DAAM1: variants seen among roughly 807,000 people sequenced by gnomAD.
DAAM1 encodes disheveled-associated activator of morphogenesis 1.
In DAAM1, 52 loss-of-function variants were observed where a neutral mutation model predicts 130.0. That is an observed-to-expected ratio of 0.40 (90% CI 0.32 to 0.50). The LOEUF (loss-of-function observed/expected upper bound fraction) is 0.50. Among genes scored for constraint, DAAM1 ranks in the 20% least tolerant of loss-of-function variants. The pLI is 0.61. For synonymous variants in DAAM1, 452 were observed against 444.5 expected, an observed-to-expected ratio of 1.02 and a Z score of -0.21; for missense variants, 1,134 against 1,303.8, an observed-to-expected ratio of 0.87 and a Z score of 2.01.
At chr14:59,212,215 G>A (rs1888445096) in intron 1 of DAAM1, among the ~76,000 whole-genome samples, 1 of 152,150 alleles carries the variant, frequency 6.6e-6, no homozygotes, top group Non-Finnish European at 1.5e-5. Context: ...AAAAATATAT[G>A]ACAAAGTATG....
intron 17 of DAAM1, among the ~76,000 whole-genome samples, chr14:59,348,236 G>T (rs901789332): frequency 6.6e-6 from 1 of 152,228 alleles, no homozygotes; most frequent in African/African-American, 2.4e-5. Flanking sequence ...CACCCAGTCA[G>T]ATTACATCTT....
intron 3 of DAAM1, among the ~76,000 whole-genome samples, chr14:59,310,993 C>G (rs541478044): frequency 1.3e-4 from 20 of 152,118 alleles, no homozygotes; most frequent in Admixed American, 9.8e-4. Context: ...CAAAAAAACT[C>G]TGACATACTT....
At chr14:59,295,776 C>A (rs1433622298) in intron 3 of DAAM1, among the ~76,000 whole-genome samples, 1 of 152,202 alleles carries the variant, frequency 6.6e-6, no homozygotes, top group African/African-American at 2.4e-5. Context: ...TTCCCAATAT[C>A]TTTGTGAGAA....
intron 15 of DAAM1, among the ~76,000 whole-genome samples, chr14:59,339,786 C>G (rs1408658058): frequency 1.3e-5 from 2 of 152,222 alleles, no homozygotes; most frequent in African/African-American, 4.8e-5. Context: ...GCACCACTCA[C>G]TGATAATTTA....
chr14:59,295,609 T>C (rs1026383693), intron 3 of DAAM1, among the ~76,000 whole-genome samples: 1 of 152,208 alleles, frequency 6.6e-6, no homozygotes, highest in East Asian at 1.9e-4. Context: ...GTGTTTCCAG[T>C]GCTGGAGAGG....
At chr14:59,213,692 C>T (rs1056567463) in intron 1 of DAAM1, among the ~76,000 whole-genome samples, 6 of 152,218 alleles carry the variant, frequency 3.9e-5, no homozygotes, top group African/African-American at 1.4e-4. Context: ...AAATGCTTGT[C>T]TTGCCTATGT....
intron 1 of DAAM1, among the ~76,000 whole-genome samples, chr14:59,239,281 A>C (rs2034842731): frequency 6.6e-6 from 1 of 152,190 alleles, no homozygotes; most frequent in Admixed American, 6.5e-5. Context: ...TCCAACCTAT[A>C]ATTAGGACAA....
chr14:59,319,021 A>C lies in DAAM1; in HGVS notation c.346-1469A>C, dbSNP rs1279388382. On this transcript the variant is annotated intron_variant, in intron 4 of 24. Transcript: ENST00000360909. ...TTCATAAAAGGCTGGATTCTGAGCT[A>C]CAGATTCAAAGTGATTGCATAAGAG... 2.0e-5 allele frequency among the ~76,000 whole-genome samples: 3 copies of C among 152,228 alleles called. 1 individual carries two copies. The East Asian group carries it at 5.8e-4, about 29-fold the overall frequency.
intron 1 of DAAM1, among the ~76,000 whole-genome samples, chr14:59,221,608 C>T (rs1008265395): frequency 1.3e-5 from 2 of 152,206 alleles, no homozygotes; most frequent in Non-Finnish European, 2.9e-5. Context: ...CATGGTAATA[C>T]TAAGAGAAGC....
In DAAM1 at chr14:59,213,262, G is replaced by A. The variant is rs1888482215; in HGVS notation, c.-38+24494G>A. 2.2e-5 allele frequency among the ~76,000 whole-genome samples: 3 copies of A among 138,132 alleles called. No individual in the cohort carries two copies. The South Asian group carries it at 6.8e-4, about 31-fold the overall frequency. The allele number at this position is 138,132 out of a possible 152,430, so 90.6% of individuals were successfully genotyped here. ...CCTCCCTTCCCCCGTATCCCTTCCA[G>A]CTTTAAGCAGCCTGTCTGCTTTAAG... On this transcript the variant is annotated intron_variant, in intron 1 of 24. Transcript: ENST00000360909.
chr14:59,272,987 G>C (rs1246874832), intron 2 of DAAM1, among the ~76,000 whole-genome samples: 1 of 152,190 alleles, frequency 6.6e-6, no homozygotes, highest in Non-Finnish European at 1.5e-5. Flanking sequence ...TTTGCTTGCT[G>C]ATATCTGCTG....
intron 11 of DAAM1, 124 bp from the exon 12 acceptor site, chr14:59,326,809 A>C (rs182045251): frequency 1.6e-5 from 24 of 1,506,718 alleles, no homozygotes; most frequent in Non-Finnish European, 2.2e-5. Context: ...CTGGTCTTAA[A>C]TGGGTTTCAA....
chr14:59,285,758 A>T (rs1883422189), intron 2 of DAAM1, among the ~76,000 whole-genome samples: 1 of 152,194 alleles, frequency 6.6e-6, no homozygotes, highest in Admixed American at 6.5e-5. Context: ...ATATTGGAGC[A>T]CCCAGATTCA....
At chr14:59,209,609 A>G (rs1434275777) in intron 1 of DAAM1, among the ~76,000 whole-genome samples, 1 of 152,188 alleles carries the variant, frequency 6.6e-6, no homozygotes, top group Admixed American at 6.5e-5. Flanking sequence ...TTATTATACA[A>G]TAGGCTTTGT....
intron 12 of DAAM1, among the ~76,000 whole-genome samples, chr14:59,329,047 A>G (rs962656755): frequency 6.6e-6 from 1 of 152,118 alleles, no homozygotes; most frequent in African/African-American, 2.4e-5. Context: ...GAAGTGCTCA[A>G]TAAAAGCTTA....
At chr14:59,306,829 G>A (rs979126683) in intron 3 of DAAM1, among the ~76,000 whole-genome samples, 1 of 152,170 alleles carries the variant, frequency 6.6e-6, no homozygotes, top group Admixed American at 6.5e-5. Context: ...GTGGTCTGAA[G>A]TTTGAGACTC....
At chr14:59,338,637 C>G (rs17096117) in intron 15 of DAAM1, among the ~76,000 whole-genome samples, 9,778 of 152,162 alleles carry the variant, frequency 0.064, 413 homozygotes, top group Non-Finnish European at 0.094. Flanking sequence ...CCTAGTGCCT[C>G]ACAGTATAAA....
intron 12 of DAAM1, among the ~76,000 whole-genome samples, chr14:59,328,532 C>T (rs1483981077): frequency 6.6e-6 from 1 of 152,220 alleles, no homozygotes; most frequent in Non-Finnish European, 1.5e-5. Flanking sequence ...GTGTCAGGCA[C>T]TGTGCTGAGC....
intron 2 of DAAM1, among the ~76,000 whole-genome samples, chr14:59,279,318 T>G (rs897839431): frequency 3.9e-5 from 6 of 152,206 alleles, no homozygotes; most frequent in Admixed American, 2.0e-4. Flanking sequence ...ACAGTGATAC[T>G]AATTGCTTTA....
Sources: gnomAD v4.1 joint callset for allele counts (sites outside exome capture counted in the v4.1 genomes callset) on GRCh38, gnomAD v4.1.1 for gene constraint, MANE v1.5 for transcripts, NCBI Gene and HGNC (gene_info 2026-07-23, HGNC 2026-07-21) for gene names.